LMO7: variants seen among roughly 807,000 people sequenced by gnomAD.
LMO7 encodes the protein LIM domain 7.
In LMO7, 120 loss-of-function variants were observed where a neutral mutation model predicts 206.5. The observed-to-expected ratio is 0.58, with a 90% CI of 0.50 to 0.68. The LOEUF is 0.68. Ranked by LOEUF, LMO7 falls within the 30% of genes least tolerant of loss-of-function variation. The probability of loss-of-function intolerance (pLI) is 0.00; values close to 1 mark genes in which losing one functional copy is unlikely to be tolerated. For missense variants in LMO7, 1,959 were observed against 1,957.9 expected, an observed-to-expected ratio of 1.00 and a Z score of -0.01; for synonymous variants, 706 against 681.5, an observed-to-expected ratio of 1.04 and a Z score of -0.56.
chr13:75,849,041 G>A (rs2060253866), intron 26 of LMO7, 38 bp from the exon 27 acceptor site: 2 of 1,239,504 alleles, frequency 1.6e-6, no homozygotes, highest in African/African-American at 3.0e-5. Context: ...CTTTTAAAAG[G>A]TACTAATCCC....
intron 2 of LMO7, among the ~76,000 whole-genome samples, chr13:75,625,697 T>C (rs2033963039): frequency 6.6e-6 from 1 of 152,188 alleles, no homozygotes; most frequent in Admixed American, 6.5e-5. Context: ...AGTAGAGTCA[T>C]GGATAGAACA....
chr13:75,807,986 A>C lies in LMO7; in HGVS notation c.1703A>C (p.Lys568Thr), dbSNP rs750463971. ...GTACTTGAAAGGACATGCCCATCCA[A>C]AGAAAAAAGTAATAGCTGTAGAATA... The part of the protein sequence containing the change: ...LCVLERTCPS[K>T]EKSNSCRILV... Residue 568 changes from lysine to threonine, a missense_variant, in exon 10 of 31, where the codon AAA becomes ACA. Physicochemically the swap from Lys to Thr is moderately conservative, Grantham distance 78. Transcript: ENST00000377534. The C allele has an allele frequency of 6.2e-7, 1 of 1,613,940 alleles. No homozygotes were observed. Among genetic ancestry groups the C allele is most frequent in the Non-Finnish European group, 8.5e-7 (1 of 1,179,864 alleles).
chr13:75,839,987 G>A, intron 20 of LMO7, 98 bp from the exon 21 acceptor site: 1 of 1,143,230 alleles, frequency 8.7e-7, no homozygotes. Context: ...TACTGGCATA[G>A]AGACAGCTAA....
intron 1 of LMO7, among the ~76,000 whole-genome samples, chr13:75,678,251 T>A (rs1031817566): frequency 1.3e-5 from 2 of 152,224 alleles, no homozygotes; most frequent in Non-Finnish European, 2.9e-5. Flanking sequence ...TAGTTTACAG[T>A]CCCACCACCA....
chr13:75,694,455 G>A (rs1440330837), intron 1 of LMO7, among the ~76,000 whole-genome samples: 1 of 152,162 alleles, frequency 6.6e-6, no homozygotes, highest in African/African-American at 2.4e-5. Context: ...GTTTTTGTGA[G>A]GAAGACTGTT....
chr13:75,747,293 A>G (rs1280466162), intron 3 of LMO7, among the ~76,000 whole-genome samples: 1 of 152,140 alleles, frequency 6.6e-6, no homozygotes, highest in Admixed American at 6.5e-5. Flanking sequence ...TATCCAGCTT[A>G]CTTTTCTTCT....
At chr13:75,776,159 TCGG>T (rs1287245302) in intron 4 of LMO7, among the ~76,000 whole-genome samples, 3 of 54,378 alleles carry the variant, frequency 5.5e-5, no homozygotes, top group African/African-American at 1.1e-4. Context: ...TGTATATATA[TCGG>T]ATATATATAT....
intron 6 of LMO7, 142 bp downstream of exon 6, chr13:75,796,891 T>A: frequency 1.6e-6 from 1 of 613,194 alleles, no homozygotes; most frequent in Middle Eastern, 3.1e-4. Flanking sequence ...TCAATTGGGC[T>A]GAGTAAAGAG....
At chr13:75,727,265 C>G (rs1216935966) in intron 3 of LMO7, among the ~76,000 whole-genome samples, 167 bp downstream of exon 3, 1 of 151,936 alleles carries the variant, frequency 6.6e-6, no homozygotes, top group African/African-American at 2.4e-5. Context: ...CAGTTCCTTT[C>G]TCTGTTTCCC....
intron 7 of LMO7, among the ~76,000 whole-genome samples, chr13:75,801,169 G>T (rs1166486880): frequency 6.6e-6 from 1 of 151,112 alleles, no homozygotes; most frequent in Non-Finnish European, 1.5e-5. Context: ...TCCAGATTCA[G>T]GCTTAATTTG....
At chr13:75,647,954 T>TC (rs201952404) in intron 1 of LMO7, among the ~76,000 whole-genome samples, 16 of 134,568 alleles carry the variant, frequency 1.2e-4, no homozygotes, top group African/African-American at 4.1e-4. Flanking sequence ...TTTCTTTCTT[T>TC]TTTTTTTTTT....
At chr13:75,815,363 G>A (rs115098376) in intron 11 of LMO7, among the ~76,000 whole-genome samples, 315 of 152,212 alleles carry the variant, frequency 2.1e-3, no homozygotes, top group African/African-American at 6.2e-3. Flanking sequence ...ATTTACTGAC[G>A]GGACCAGTTA....
At position 75,668,524 on chromosome 13, in the gene LMO7, C is replaced by T. The variant is rs974480509; in HGVS notation, c.69+31798C>T. 3.9e-5 allele frequency among the ~76,000 whole-genome samples: 6 copies of T among 152,292 alleles called. No homozygotes were observed. In the East Asian group the frequency reaches 1.2e-3, roughly 29 times the overall value. ...AGTGAGTTTTCCATGAGAATTTTAG[C>T]CACTTAACATGCACAGACCAGGGCC... On this transcript the variant is annotated intron_variant, in intron 1 of 30. Coordinates refer to ENST00000377534, the MANE Select transcript of LMO7 (RefSeq NM_001306080.2).
At chr13:75,732,280 G>T (rs1418181064) in intron 3 of LMO7, among the ~76,000 whole-genome samples, 1 of 151,934 alleles carries the variant, frequency 6.6e-6, no homozygotes, top group East Asian at 1.9e-4. Flanking sequence ...CATAGATTTG[G>T]TCTTTTCACA....
At chr13:75,850,808 CT>C (rs555828876) in intron 27 of LMO7, among the ~76,000 whole-genome samples, 1,821 of 145,122 alleles carry the variant, frequency 0.013, 20 homozygotes, top group Non-Finnish European at 0.017. Context: ...GCCACACATT[CT>C]TTTTTTTTTT....
chr13:75,752,641 C>T (rs1391615589), intron 3 of LMO7, among the ~76,000 whole-genome samples: 1 of 152,138 alleles, frequency 6.6e-6, no homozygotes, highest in African/African-American at 2.4e-5. Flanking sequence ...ACTCTACTTC[C>T]ATTTGTATAC....
chr13:75,763,697 A>G, intron 4 of LMO7, among the ~76,000 whole-genome samples: 1 of 152,186 alleles, frequency 6.6e-6, no homozygotes, highest in East Asian at 1.9e-4. Context: ...CAATCTAATC[A>G]TGACGCATAC....
At chr13:75,801,291 T>C (rs922512769) in intron 7 of LMO7, among the ~76,000 whole-genome samples, 9 of 151,990 alleles carry the variant, frequency 5.9e-5, no homozygotes, top group African/African-American at 1.7e-4. Flanking sequence ...TTGGCTTTTT[T>C]CAAAAGATTA....
intron 3 of LMO7, among the ~76,000 whole-genome samples, chr13:75,740,273 G>A (rs1335803099): frequency 3.9e-5 from 6 of 152,176 alleles, no homozygotes; most frequent in African/African-American, 1.4e-4. Context: ...ACATTTGTGA[G>A]TATGTTTGGA....
Sources: gnomAD v4.1 joint callset for allele counts (sites outside exome capture counted in the v4.1 genomes callset) on GRCh38, gnomAD v4.1.1 for gene constraint, MANE v1.5 for transcripts, NCBI Gene and HGNC (gene_info 2026-07-23, HGNC 2026-07-21) for gene names.